Variants in POLR2B observed in about 807,000 individuals in gnomAD.
POLR2B encodes the protein DNA-directed RNA polymerase II subunit RPB2.
Under a neutral mutation model 144.6 loss-of-function variants are expected in POLR2B, and 57 were observed. That is an observed-to-expected ratio of 0.39 (90% CI 0.32 to 0.49). The LOEUF (loss-of-function observed/expected upper bound fraction) is 0.49, where lower values mean the gene tolerates loss of function less well. POLR2B is among the 20% of genes least tolerant of loss of function. The probability of loss-of-function intolerance (pLI) is 0.83; values close to 1 mark genes in which losing one functional copy is unlikely to be tolerated. For synonymous variants in POLR2B, 442 were observed against 469.8 expected (o/e 0.94, Z 0.77); for missense variants, 595 against 1,467.4 (o/e 0.41, Z 9.71).
chr4:56,985,367 C>A (rs1041548418), intron 1 of POLR2B: 1 of 985,248 alleles, frequency 1.0e-6, no homozygotes. Flanking sequence ...CGGTGGTAGC[C>A]GCGAGGGACG....
At chr4:57,015,715 T>G (rs907354461) in intron 14 of POLR2B, 59 bp downstream of exon 14, 1 of 712,174 alleles carries the variant, frequency 1.4e-6, no homozygotes, top group African/African-American at 1.8e-5. Flanking sequence ...ATTTACATAC[T>G]GTAAAATTAA....
intron 1 of POLR2B, among the ~76,000 whole-genome samples, chr4:56,984,959 T>C (rs1186314095): frequency 6.6e-6 from 1 of 152,132 alleles, no homozygotes; most frequent in Non-Finnish European, 1.5e-5. Flanking sequence ...ATGGATACTG[T>C]GGGTTAGGAT....
At chr4:57,027,252 G>A (rs1468604304) in intron 23 of POLR2B, among the ~76,000 whole-genome samples, 2 of 151,820 alleles carry the variant, frequency 1.3e-5, no homozygotes, top group Non-Finnish European at 2.9e-5. Context: ...CAAGTGATCC[G>A]CCTGCCTTGG....
At chr4:57,008,215 T>TTC (rs1001155290) in intron 10 of POLR2B, among the ~76,000 whole-genome samples, 9 of 151,440 alleles carry the variant, frequency 5.9e-5, no homozygotes, top group African/African-American at 2.2e-4. Flanking sequence ...GGTTTTTTTT[T>TTC]TTTTTTTGAG....
At chr4:56,981,371 A>T (rs2109637006) in intron 1 of POLR2B, among the ~76,000 whole-genome samples, 1 of 152,262 alleles carries the variant, frequency 6.6e-6, no homozygotes, top group South Asian at 2.1e-4. Flanking sequence ...AGTGCTGTAA[A>T]TGAATAATCT....
intron 2 of POLR2B, among the ~76,000 whole-genome samples, chr4:56,987,759 G>C (rs531864588): frequency 6.6e-6 from 1 of 152,200 alleles, no homozygotes; most frequent in East Asian, 1.9e-4. Flanking sequence ...GCGCACACCT[G>C]TAATCCCAGC....
At chr4:57,011,468 T>C (rs1308417513) in intron 13 of POLR2B, among the ~76,000 whole-genome samples, 2 of 151,562 alleles carry the variant, frequency 1.3e-5, no homozygotes, top group African/African-American at 4.8e-5. Flanking sequence ...GCGGGGGTTA[T>C]GGTGAGGTGA....
In POLR2B at chr4:56,979,139, G is replaced by A. The variant is rs548272924; in HGVS notation, c.19+135G>A. ...CCCAGCCTTGTTCCCACACTTACCAGGCCGGGAACGAAACTGGGGTAGGGA... is the reference window on the plus strand; with the variant it reads ...CCCAGCCTTGTTCCCACACTTACCAAGCCGGGAACGAAACTGGGGTAGGGA... On this transcript the variant is annotated intron_variant, in intron 1 of 24. Coordinates refer to ENST00000314595, the MANE Select transcript of POLR2B (RefSeq NM_000938.3). The A allele has an allele frequency of 1.3e-4, 120 of 927,674 alleles. No homozygotes were observed. In the South Asian group the frequency reaches 1.5e-3, roughly 12 times the overall value. 57.5% of individuals were successfully genotyped at this position (927,674 alleles called of 1,614,324 possible).
chr4:57,010,338 A>G lies in POLR2B; in HGVS notation c.1405-23A>G, dbSNP rs1160986560. 3 of 1,610,456 alleles carry G rather than the reference A, an allele frequency of 1.9e-6. No individual in the cohort carries two copies. In the South Asian group the frequency reaches 3.3e-5, roughly 18 times the overall value. ...TGAATCACAGAAATGTCCAGACTTT[A>G]AAGATTGGCTATTTTTTTCTAGGTG... On this transcript the variant is annotated intron_variant, in intron 10 of 24. Coordinates refer to ENST00000314595, the MANE Select transcript of POLR2B (RefSeq NM_000938.3).
chr4:57,002,425 G>A (rs1285330735), intron 7 of POLR2B, among the ~76,000 whole-genome samples: 1 of 152,114 alleles, frequency 6.6e-6, no homozygotes, highest in African/African-American at 2.4e-5. Flanking sequence ...CACTTAGGAA[G>A]CTTAAGCCAA....
chr4:57,000,533 T>C (rs1722817596), intron 7 of POLR2B, among the ~76,000 whole-genome samples: 1 of 152,208 alleles, frequency 6.6e-6, no homozygotes, highest in African/African-American at 2.4e-5. Flanking sequence ...ATTCATTCTT[T>C]CTATATATAA....
At chr4:56,982,079 A>G (rs2109638124) in intron 1 of POLR2B, among the ~76,000 whole-genome samples, 1 of 152,242 alleles carries the variant, frequency 6.6e-6, no homozygotes, top group Admixed American at 6.5e-5. Context: ...CCATTGTTTC[A>G]GTTACCATCT....
intron 14 of POLR2B, 61 bp from the exon 15 acceptor site, chr4:57,016,982 T>C (rs1723389177): frequency 3.9e-6 from 3 of 765,502 alleles, no homozygotes; most frequent in Admixed American, 2.7e-5. Flanking sequence ...TACTTTTAAG[T>C]AGGAGGAATA....
chr4:56,986,533 AT>A, intron 2 of POLR2B, 107 bp downstream of exon 2: 1 of 617,218 alleles, frequency 1.6e-6, no homozygotes, highest in Non-Finnish European at 2.9e-6. Flanking sequence ...GAGAGTAGTT[AT>A]TTTATTTATA....
At chr4:57,018,941 G>C (rs1461600564) in intron 16 of POLR2B, among the ~76,000 whole-genome samples, 1 of 152,124 alleles carries the variant, frequency 6.6e-6, no homozygotes, top group South Asian at 2.1e-4. Flanking sequence ...AGACAGTAGA[G>C]TTCTTTGGCA....
At chr4:57,009,147 C>T (rs191880232) in intron 10 of POLR2B, among the ~76,000 whole-genome samples, 9 of 152,204 alleles carry the variant, frequency 5.9e-5, no homozygotes, top group African/African-American at 1.2e-4. Flanking sequence ...AAGTAAGTTT[C>T]GTAAGACTTT....
chr4:56,983,579 C>T (rs1212129926), intron 1 of POLR2B, among the ~76,000 whole-genome samples: 7 of 151,994 alleles, frequency 4.6e-5, no homozygotes, highest in African/African-American at 1.7e-4. Context: ...ACCATGCTGG[C>T]CAGGCTGCTC....
Position 57,022,103 on chromosome 4 carries a change from C to A in POLR2B, c.2421-49C>A, listed in dbSNP as rs759750451. 1.6e-5 allele frequency: 18 copies of A among 1,118,082 alleles called. No homozygotes were observed. In the South Asian group the frequency reaches 2.5e-4, roughly 15 times the overall value. The allele number at this position is 1,118,082 out of a possible 1,614,324, so 69.3% of individuals were successfully genotyped here. On this transcript the variant is annotated intron_variant, in intron 17 of 24. Coordinates refer to ENST00000314595, the MANE Select transcript of POLR2B (RefSeq NM_000938.3). ...AGAAATTGTTGGTATAGTCTCAGCC[C>A]TTTTGTTAAAAGAAAATAGACTTTA...
intron 13 of POLR2B, among the ~76,000 whole-genome samples, chr4:57,015,136 T>C (rs1284195921): frequency 1.3e-5 from 2 of 152,142 alleles, no homozygotes; most frequent in East Asian, 1.9e-4. Context: ...CAAAGTGATA[T>C]AGGGCTGGTT....
Sources: gnomAD v4.1 joint callset for allele counts (sites outside exome capture counted in the v4.1 genomes callset) on GRCh38, gnomAD v4.1.1 for gene constraint, MANE v1.5 for transcripts, NCBI Gene and HGNC (gene_info 2026-07-23, HGNC 2026-07-21) for gene names.